GPC5: variants seen among roughly 807,000 people sequenced by gnomAD.
GPC5 encodes the protein glypican-5.
Under a neutral mutation model 53.9 loss-of-function variants are expected in GPC5, and 47 were observed. That is an observed-to-expected ratio of 0.87 (90% confidence interval 0.69 to 1.11). The LOEUF is 1.11. Ranked by LOEUF, GPC5 falls within the 50% of genes most tolerant of loss-of-function variation. The pLI is 0.00. For missense variants in GPC5, 748 were observed against 713.1 expected, an observed-to-expected ratio of 1.05 and a Z score of -0.56; for synonymous variants, 286 against 263.3, an observed-to-expected ratio of 1.09 and a Z score of -0.84.
intron 7 of GPC5, among the ~76,000 whole-genome samples, chr13:92,457,661 G>C (rs962656759): frequency 2.0e-5 from 3 of 152,082 alleles, no homozygotes; most frequent in African/African-American, 7.2e-5. Context: ...TGTGTATCTC[G>C]CTAGCTCAAA....
chr13:92,054,262 A>G (rs1033170583), intron 6 of GPC5, among the ~76,000 whole-genome samples: 4 of 151,616 alleles, frequency 2.6e-5, no homozygotes, highest in African/African-American at 9.7e-5. Flanking sequence ...ATACAGGACA[A>G]AGACATACTT....
At chr13:91,993,832 C>T (rs2040479658) in intron 6 of GPC5, among the ~76,000 whole-genome samples, 1 of 152,090 alleles carries the variant, frequency 6.6e-6, no homozygotes, top group Non-Finnish European at 1.5e-5. Context: ...ATCCAGTCAC[C>T]TTAGCTTTAA....
intron 7 of GPC5, among the ~76,000 whole-genome samples, chr13:92,850,486 C>T (rs963631929): frequency 6.6e-6 from 1 of 152,092 alleles, no homozygotes; most frequent in South Asian, 2.1e-4. Flanking sequence ...TGTAGCACAG[C>T]TACTTGAGAG....
chr13:92,848,380 G>C (rs1360635575), intron 7 of GPC5, among the ~76,000 whole-genome samples: 1 of 151,848 alleles, frequency 6.6e-6, no homozygotes, highest in Non-Finnish European at 1.5e-5. Flanking sequence ...AGTTTATGTA[G>C]CTCTAATTTA....
At chr13:92,041,066 G>T in intron 6 of GPC5, among the ~76,000 whole-genome samples, 1 of 151,836 alleles carries the variant, frequency 6.6e-6, no homozygotes, top group Non-Finnish European at 1.5e-5. Flanking sequence ...TGGCCAGGCT[G>T]GTCTTGAACT....
chr13:92,780,162 A>G (rs1047182856), intron 7 of GPC5, among the ~76,000 whole-genome samples: 2 of 152,018 alleles, frequency 1.3e-5, no homozygotes, highest in African/African-American at 4.8e-5. Flanking sequence ...TAAATATTAT[A>G]TTTTAATCTG....
chr13:91,978,116 C>A lies in GPC5; in HGVS notation c.1401+70059C>A, dbSNP rs1192599279. ...GCTGCAGTAAGCCATGAGCCATGAT[C>A]GTGCCACTGCATGTTCTCATGAAGG... On this transcript the variant is annotated intron_variant, in intron 6 of 7. Transcript: ENST00000377067. Among the ~76,000 whole-genome samples the A allele has an allele frequency of 5.3e-5, 8 of 152,128 alleles. 1 individual carries two copies. The highest frequency in any genetic ancestry group is 8.8e-5 in the Non-Finnish European group (6 of 68,032).
intron 1 of GPC5, among the ~76,000 whole-genome samples, chr13:91,415,087 C>T (rs1878093590): frequency 6.6e-6 from 1 of 152,146 alleles, no homozygotes; most frequent in African/African-American, 2.4e-5. Flanking sequence ...GGAGATAACC[C>T]ACCATGGGCC....
At chr13:91,639,676 G>A (rs572438084) in intron 2 of GPC5, among the ~76,000 whole-genome samples, 6 of 152,220 alleles carry the variant, frequency 3.9e-5, no homozygotes, top group African/African-American at 7.2e-5. Context: ...TCATTCTGAC[G>A]CAGTCACAGT....
At chr13:91,489,660 G>C (rs1183527139) in intron 2 of GPC5, among the ~76,000 whole-genome samples, 1 of 152,072 alleles carries the variant, frequency 6.6e-6, no homozygotes, top group Non-Finnish European at 1.5e-5. Flanking sequence ...TTTTAAAATT[G>C]TTTTAGTTGC....
chr13:92,313,806 G>C (rs1244832868), intron 7 of GPC5, among the ~76,000 whole-genome samples: 1 of 152,144 alleles, frequency 6.6e-6, no homozygotes, highest in Non-Finnish European at 1.5e-5. Context: ...AAGGGGTCCT[G>C]TTTAGACACC....
chr13:92,815,068 G>T (rs891763286), intron 7 of GPC5, among the ~76,000 whole-genome samples: 6 of 151,876 alleles, frequency 4.0e-5, no homozygotes, highest in African/African-American at 1.5e-4. Context: ...TGTGATTCTA[G>T]GTTCTGGGGA....
intron 7 of GPC5, among the ~76,000 whole-genome samples, chr13:92,861,442 T>C (rs902731910): frequency 6.6e-6 from 1 of 152,188 alleles, no homozygotes; most frequent in Non-Finnish European, 1.5e-5. Context: ...GGACAATAGA[T>C]AATTGACACT....
chr13:92,605,483 ATAGTTAAAT>A (rs1322395655), intron 7 of GPC5, among the ~76,000 whole-genome samples: 2 of 152,176 alleles, frequency 1.3e-5, no homozygotes, highest in Non-Finnish European at 2.9e-5. Flanking sequence ...TACTTTGCAA[ATAGTTAAAT>A]TAGAATTCTG....
At chr13:91,537,260 A>G (rs1886635047) in intron 2 of GPC5, among the ~76,000 whole-genome samples, 1 of 152,130 alleles carries the variant, frequency 6.6e-6, no homozygotes, top group Admixed American at 6.6e-5. Flanking sequence ...AAGTTCTATG[A>G]GAATATTAAC....
chr13:91,730,265 C>T (rs2036667868), intron 4 of GPC5, among the ~76,000 whole-genome samples: 1 of 152,124 alleles, frequency 6.6e-6, no homozygotes, highest in Non-Finnish European at 1.5e-5. Context: ...GTAAACTAAC[C>T]CTGAATTTTA....
chr13:92,263,299 C>A (rs1483182451), intron 7 of GPC5, among the ~76,000 whole-genome samples: 6 of 152,028 alleles, frequency 3.9e-5, no homozygotes, highest in African/African-American at 7.2e-5. Flanking sequence ...AAAATGGAAA[C>A]ACAGGCTACT....
intron 7 of GPC5, among the ~76,000 whole-genome samples, chr13:92,864,789 G>C (rs1879289091): frequency 2.0e-5 from 3 of 152,114 alleles, no homozygotes; most frequent in Admixed American, 2.0e-4. Flanking sequence ...AAATCAATAT[G>C]TCAGATCAGC....
chr13:92,550,105 A>G (rs1566288785), intron 7 of GPC5, among the ~76,000 whole-genome samples: 1 of 151,942 alleles, frequency 6.6e-6, no homozygotes, highest in Non-Finnish European at 1.5e-5. Context: ...TTTTAAATCT[A>G]TAGGTTGTGA....
Sources: allele counts gnomAD v4.1 joint callset (sites outside exome capture counted in the v4.1 genomes callset), GRCh38; gene constraint gnomAD v4.1.1; transcripts MANE v1.5; gene names NCBI Gene and HGNC (gene_info 2026-07-23, HGNC 2026-07-21).